PAFAH1B1: variants seen among roughly 807,000 people sequenced by gnomAD.
The protein encoded by PAFAH1B1 is platelet activating factor acetylhydrolase 1b regulatory subunit 1.
In PAFAH1B1, 2 loss-of-function variants were observed where a neutral mutation model predicts 57.5. The observed-to-expected ratio is 0.03, with a 90% CI of 0.01 to 0.11. The LOEUF (loss-of-function observed/expected upper bound fraction) is 0.11, where lower values mean the gene tolerates loss of function less well. PAFAH1B1 is among the 10% of genes least tolerant of loss of function. The probability of loss-of-function intolerance (pLI) is 1.00; values close to 1 mark genes in which losing one functional copy is unlikely to be tolerated. For missense variants in PAFAH1B1, 257 were observed against 512.0 expected (o/e 0.50, Z 4.81); for synonymous variants, 152 against 169.6 (o/e 0.90, Z 0.81).
intron 2 of PAFAH1B1, among the ~76,000 whole-genome samples, chr17:2,654,734 C>T (rs1161641205): frequency 1.3e-5 from 2 of 152,006 alleles, no homozygotes; most frequent in Non-Finnish European, 2.9e-5. Flanking sequence ...CTCCGCCTCC[C>T]GGGCTCAAAC....
At chr17:2,607,749 G>T (rs1004233458) in intron 1 of PAFAH1B1, among the ~76,000 whole-genome samples, 1 of 152,082 alleles carries the variant, frequency 6.6e-6, no homozygotes, top group Non-Finnish European at 1.5e-5. Flanking sequence ...GCCTCCCAAA[G>T]TTCTGGGATT....
Position 2,642,581 on chromosome 17 carries a change from C to CTGAAATGCT in PAFAH1B1, c.32+4264_32+4265insAATGCTTGA, listed in dbSNP as rs2068710645. Among the ~76,000 whole-genome samples the CTGAAATGCT allele has an allele frequency of 2.6e-5, 4 of 152,252 alleles. No individual in the cohort carries two copies. In the South Asian group the frequency reaches 6.2e-4, roughly 24 times the overall value. On this transcript the variant is annotated intron_variant, in intron 2 of 10. Coordinates refer to ENST00000397195, the MANE Select transcript of PAFAH1B1 (RefSeq NM_000430.4). ...AAAAATGTCGAAATCTGAAATACTTCTGATCCCAAGCATTTCAGATAAGAG... is the reference window on the plus strand; with the variant it reads ...AAAAATGTCGAAATCTGAAATACTTCTGAAATGCTTGATCCCAAGCATTTCAGATAAGAG...
rs2069399034 is a variant in PAFAH1B1, at chr17:2,682,464, T to C, written c.*662T>C. 6.6e-6 allele frequency: 1 copy of C among 152,594 alleles called. No homozygotes were observed. The highest frequency in any genetic ancestry group is 2.4e-5 in the African/African-American group (1 of 41,432). 9.5% of individuals were successfully genotyped at this position (152,594 alleles called of 1,614,324 possible). ...AAATGACTGTAAATCTCAAGAAAAA[T>C]CTCAGCAGCTAATAGCAACTCATTT... On this transcript the variant is annotated 3_prime_UTR_variant, in exon 11 of 11. Transcript: ENST00000397195.
intron 4 of PAFAH1B1, 111 bp from the exon 5 acceptor site, chr17:2,666,880 AT>A: frequency 1.4e-6 from 1 of 699,542 alleles, no homozygotes; most frequent in East Asian, 2.7e-5. Flanking sequence ...GATTACTGAA[AT>A]TTTTTCAAGT....
intron 4 of PAFAH1B1, among the ~76,000 whole-genome samples, chr17:2,666,328 T>A (rs1260710800): frequency 6.6e-6 from 1 of 152,228 alleles, no homozygotes; most frequent in Admixed American, 6.5e-5. Context: ...GAGGAATTGA[T>A]ACTGAAAGAA....
At chr17:2,595,753 T>C (rs1232131362) in intron 1 of PAFAH1B1, among the ~76,000 whole-genome samples, 1 of 152,160 alleles carries the variant, frequency 6.6e-6, no homozygotes, top group Non-Finnish European at 1.5e-5. Context: ...CTAAAAGAAA[T>C]TGAAGGCTGG....
At chr17:2,613,722 G>T in intron 1 of PAFAH1B1, 2 of 294,220 alleles carry the variant, frequency 6.8e-6, no homozygotes, top group Non-Finnish European at 1.4e-5. Flanking sequence ...ACGTCCTCAA[G>T]GGCTGGGGCC....
chr17:2,663,646 T>C (rs972694372), intron 2 of PAFAH1B1, among the ~76,000 whole-genome samples: 1 of 152,000 alleles, frequency 6.6e-6, no homozygotes. Context: ...ATCAGATTGT[T>C]GGCTTAAATA....
At chr17:2,658,863 C>T (rs190509396) in intron 2 of PAFAH1B1, among the ~76,000 whole-genome samples, 3 of 152,212 alleles carry the variant, frequency 2.0e-5, no homozygotes, top group African/African-American at 7.2e-5. Context: ...TCTTAGGGTA[C>T]GTGAGGTTGG....
intron 2 of PAFAH1B1, 29 bp downstream of exon 2, chr17:2,638,349 A>G: frequency 6.3e-7 from 1 of 1,597,720 alleles, no homozygotes; most frequent in African/African-American, 1.3e-5. Flanking sequence ...TGCTTTAAAA[A>G]AAATCTCCCT....
At chr17:2,605,056 T>C (rs112099672) in intron 1 of PAFAH1B1, among the ~76,000 whole-genome samples, 3,817 of 152,246 alleles carry the variant, frequency 0.025, 169 homozygotes, top group African/African-American at 0.087. Flanking sequence ...TATGAGATGA[T>C]GTATATTTTG....
chr17:2,636,346 G>A (rs2068624738), intron 1 of PAFAH1B1, among the ~76,000 whole-genome samples: 1 of 152,118 alleles, frequency 6.6e-6, no homozygotes, highest in Non-Finnish European at 1.5e-5. Context: ...ATAAATTCCT[G>A]CTTATATTTA....
chr17:2,596,643 CTT>C (rs2068086779), intron 1 of PAFAH1B1, among the ~76,000 whole-genome samples: 1 of 151,986 alleles, frequency 6.6e-6, no homozygotes, highest in African/African-American at 2.4e-5. Flanking sequence ...CACTTTTGTT[CTT>C]TTTAATATGA....
intron 1 of PAFAH1B1, among the ~76,000 whole-genome samples, chr17:2,604,266 C>T (rs1400256299): frequency 6.6e-6 from 1 of 151,834 alleles, no homozygotes; most frequent in African/African-American, 2.4e-5. Flanking sequence ...TCCAACCCCT[C>T]ACCTCAAGTG....
intron 2 of PAFAH1B1, among the ~76,000 whole-genome samples, chr17:2,653,292 G>T (rs2068891250): frequency 6.6e-6 from 1 of 151,992 alleles, no homozygotes; most frequent in African/African-American, 2.4e-5. Flanking sequence ...AGAGGGGAGG[G>T]ATAGCATTAG....
At chr17:2,640,224 C>G (rs1279380058) in intron 2 of PAFAH1B1, 1 of 152,038 alleles carries the variant, frequency 6.6e-6, no homozygotes, top group African/African-American at 2.4e-5. Flanking sequence ...TAAATTTAAC[C>G]TTCCATATTC....
rs57918293 is a variant in PAFAH1B1, at chr17:2,662,378, TTGTGTG to T, written c.33-2953_33-2948del. On this transcript the variant is annotated intron_variant, in intron 2 of 10. Transcript: ENST00000397195. The stretch of plus-strand genomic sequence containing the variant: ...AACCATTTTTATTTTTTTAACCTCT[TTGTGTG>T]TGTGTGTGTGTGTGTGTGTGTGTGT... 9.4e-3 allele frequency among the ~76,000 whole-genome samples: 1,164 copies of T among 123,762 alleles called. 10 individuals carry two copies. The highest frequency in any genetic ancestry group is 0.012 in the African/African-American group (369 of 31,926). 81.2% of individuals were successfully genotyped at this position (123,762 alleles called of 152,430 possible).
At chr17:2,615,709 G>A (rs1179959693) in intron 1 of PAFAH1B1, among the ~76,000 whole-genome samples, 1 of 151,792 alleles carries the variant, frequency 6.6e-6, no homozygotes, top group African/African-American at 2.4e-5. Context: ...AAAATGCTGG[G>A]ATTACAGGCG....
In PAFAH1B1 at chr17:2,683,472, A is replaced by G. The variant is rs1363614179; in HGVS notation, c.*1670A>G. The stretch of plus-strand genomic sequence containing the variant: ...AATGGAAAATTGGTTCCTGCAAAAG[A>G]CAAAGGGTGAGAGTTAGCGTCCTGT... On this transcript the variant is annotated 3_prime_UTR_variant, in exon 11 of 11. Transcript: ENST00000397195. 2 of 152,224 alleles carry G rather than the reference A, an allele frequency of 1.3e-5. No homozygotes were observed. Among genetic ancestry groups the G allele is most frequent in the Non-Finnish European group, 2.9e-5 (2 of 68,048 alleles). The allele number at this position is 152,224 out of a possible 1,614,324, so 9.4% of individuals were successfully genotyped here.
Sources: allele counts gnomAD v4.1 joint callset (sites outside exome capture counted in the v4.1 genomes callset), GRCh38; gene constraint gnomAD v4.1.1; transcripts MANE v1.5; gene names NCBI Gene and HGNC (gene_info 2026-07-23, HGNC 2026-07-21).